SGCD: variants seen among roughly 807,000 people sequenced by gnomAD.
The protein encoded by SGCD is delta-sarcoglycan.
Under a neutral mutation model 36.6 loss-of-function variants are expected in SGCD, and 18 were observed. The observed-to-expected ratio is 0.49, with a 90% confidence interval of 0.34 to 0.73. The LOEUF is 0.73. SGCD is among the 30% of genes least tolerant of loss of function. SGCD has a pLI of 0.01. For synonymous variants in SGCD, 133 were observed against 130.6 expected (o/e 1.02, Z -0.12); for missense variants, 387 against 346.7 (o/e 1.12, Z -0.92).
rs551492737 is a variant in SGCD at position 155,961,630 on chromosome 5, A to T, written c.-282+91206A>T. 2.6e-5 allele frequency among the ~76,000 whole-genome samples: 4 copies of T among 152,232 alleles called. No homozygotes were observed. In the South Asian group the frequency reaches 8.3e-4, roughly 32 times the overall value. ...TCCTACCATCACATGGCAAGGCTTA[A>T]TCTCCATTGGACAGCAATTAAGAGC... On this transcript the variant is annotated intron_variant, in intron 1 of 9. Coordinates refer to the SGCD transcript ENST00000517913.
upstream of SGCD, among the ~76,000 whole-genome samples, chr5:156,322,852 T>G (rs1027206428): frequency 3.9e-5 from 6 of 152,178 alleles, no homozygotes; most frequent in African/African-American, 1.4e-4. Flanking sequence ...TGGTCAGCCA[T>G]TTAAAGATTT....
chr5:156,231,207 C>G (rs1056618225), intron 3 of SGCD, among the ~76,000 whole-genome samples: 7 of 152,068 alleles, frequency 4.6e-5, no homozygotes, highest in African/African-American at 1.7e-4. Flanking sequence ...CTCTTATATG[C>G]CTTGTTGAAA....
intron 3 of SGCD, among the ~76,000 whole-genome samples, chr5:156,151,146 G>A (rs895070787): frequency 2.0e-5 from 3 of 151,714 alleles, no homozygotes; most frequent in Non-Finnish European, 2.9e-5. Context: ...GGGTCAGAGA[G>A]AGAAGCTGAG....
chr5:156,193,179 A>C (rs77843163), intron 3 of SGCD, among the ~76,000 whole-genome samples: 1 of 152,086 alleles, frequency 6.6e-6, no homozygotes, highest in Non-Finnish European at 1.5e-5. Flanking sequence ...TTCTTCAAAC[A>C]TGGTTCTGAA....
chr5:156,444,073 TC>T, intron 3 of SGCD, among the ~76,000 whole-genome samples: 1 of 77,762 alleles, frequency 1.3e-5, no homozygotes, highest in Non-Finnish European at 2.6e-5. Context: ...CTTCTCTCTC[TC>T]TCTCTCTCTC....
chr5:156,083,698 A>C (rs1761024047), intron 1 of SGCD, among the ~76,000 whole-genome samples: 1 of 151,556 alleles, frequency 6.6e-6, no homozygotes. Flanking sequence ...TTTTCCTAAA[A>C]ATTTTACAGT....
chr5:155,878,139 A>T (rs1580966651), intron 1 of SGCD, among the ~76,000 whole-genome samples: 1 of 152,214 alleles, frequency 6.6e-6, no homozygotes, highest in African/African-American at 2.4e-5. Flanking sequence ...ATATAACAGG[A>T]TGTGTTTGAC....
At chr5:156,598,615 G>A (rs1420738968) in intron 6 of SGCD, among the ~76,000 whole-genome samples, 1 of 152,168 alleles carries the variant, frequency 6.6e-6, no homozygotes, top group Non-Finnish European at 1.5e-5. Flanking sequence ...AAAAAGTGGT[G>A]TTATCTCACA....
rs192102182 is a variant in SGCD at position 156,313,242 on chromosome 5, G to A, written c.-43-16292G>A. ...GTTTCATATGGTAAAAAAAAAGCCT[G>A]TATCTTTCATCTTAAAAGCTGTGAA... On this transcript the variant is annotated intron_variant, in intron 3 of 9. Coordinates refer to the SGCD transcript ENST00000517913. 5.1e-4 allele frequency among the ~76,000 whole-genome samples: 77 copies of A among 152,044 alleles called. 1 individual carries two copies. Among genetic ancestry groups the A allele is most frequent in the Middle Eastern group, 6.8e-3 (2 of 294 alleles).
chr5:156,625,871 A>G (rs759959699), intron 6 of SGCD, among the ~76,000 whole-genome samples: 9 of 152,210 alleles, frequency 5.9e-5, no homozygotes, highest in Admixed American at 1.3e-4. Context: ...CTATCATTAA[A>G]TTCTGAGGAT....
intron 1 of SGCD, among the ~76,000 whole-genome samples, chr5:155,965,566 A>G (rs1016861516): frequency 7.2e-5 from 11 of 152,130 alleles, no homozygotes; most frequent in African/African-American, 2.4e-4. Context: ...ACAGTTTATC[A>G]TGAATGCAGG....
intron 1 of SGCD, among the ~76,000 whole-genome samples, chr5:156,015,480 G>C (rs184608838): frequency 5.9e-4 from 89 of 151,922 alleles, no homozygotes; most frequent in Admixed American, 2.2e-3. Context: ...AGAAGCCCTG[G>C]TTCTATTTAC....
intron 3 of SGCD, among the ~76,000 whole-genome samples, chr5:156,354,031 G>A (rs988692225): frequency 6.6e-6 from 1 of 150,658 alleles, no homozygotes; most frequent in African/African-American, 2.5e-5. Context: ...ACACAGTTGA[G>A]TATACTATGC....
chr5:156,297,969 T>C (rs1478874202), intron 3 of SGCD, among the ~76,000 whole-genome samples: 1 of 150,274 alleles, frequency 6.7e-6, no homozygotes, highest in Non-Finnish European at 1.5e-5. Context: ...ACCGTCCTTC[T>C]ACTCTGTCTC....
At chr5:156,155,084 G>A (rs1223240541) in intron 3 of SGCD, among the ~76,000 whole-genome samples, 1 of 151,598 alleles carries the variant, frequency 6.6e-6, no homozygotes, top group Non-Finnish European at 1.5e-5. Flanking sequence ...AATAATCACA[G>A]GATAATCTAT....
chr5:155,790,055 A>T, the SGCD span, among the ~76,000 whole-genome samples: 1 of 152,110 alleles, frequency 6.6e-6, no homozygotes, highest in Admixed American at 6.6e-5. Context: ...CTCTGAAAAA[A>T]AATGCATATG....
At chr5:156,583,743 T>C (rs1760377972) in intron 4 of SGCD, among the ~76,000 whole-genome samples, 1 of 152,158 alleles carries the variant, frequency 6.6e-6, no homozygotes, top group African/African-American at 2.4e-5. Context: ...ATGACATTGG[T>C]ACAAGAATAG....
At chr5:156,078,633 C>T (rs947800640) in intron 1 of SGCD, among the ~76,000 whole-genome samples, 4 of 144,082 alleles carry the variant, frequency 2.8e-5, no homozygotes, top group Non-Finnish European at 4.6e-5. Context: ...TATATACACA[C>T]ACATATTTAT....
chr5:156,335,372 G>A (rs1383712796), intron 2 of SGCD, among the ~76,000 whole-genome samples: 1 of 152,138 alleles, frequency 6.6e-6, no homozygotes, highest in Non-Finnish European at 1.5e-5. Flanking sequence ...TGGCAATCTG[G>A]TTTCTCAGGA....
Sources: allele counts gnomAD v4.1 joint callset (sites outside exome capture counted in the v4.1 genomes callset), GRCh38; gene constraint gnomAD v4.1.1; transcripts MANE v1.5; gene names NCBI Gene and HGNC (gene_info 2026-07-23, HGNC 2026-07-21).